Variants in KCNJ3 observed in about 807,000 individuals in gnomAD.
KCNJ3 encodes G protein-activated inward rectifier potassium channel 1.
KCNJ3 carries 4 observed loss-of-function variants against 39.2 expected under a neutral mutation model. The observed-to-expected ratio is 0.10, with a 90% CI of 0.05 to 0.23. The LOEUF is 0.23. KCNJ3 is among the 10% of genes least tolerant of loss of function. The pLI is 1.00. For synonymous variants in KCNJ3, 230 were observed against 237.4 expected (o/e 0.97, Z 0.29); for missense variants, 276 against 634.9 (o/e 0.43, Z 6.08).
At chr2:154,718,071 A>G (rs574196956) in intron 2 of KCNJ3, among the ~76,000 whole-genome samples, 1 of 152,216 alleles carries the variant, frequency 6.6e-6, no homozygotes, top group East Asian at 1.9e-4. Flanking sequence ...CTTTTAAATT[A>G]ATTGTTGGTG....
At position 154,832,141 on chromosome 2, in the gene KCNJ3, C is replaced by A. The variant is rs527969835; in HGVS notation, c.920-22586C>A. Among the ~76,000 whole-genome samples, 9 of 152,164 alleles carry A rather than the reference C, an allele frequency of 5.9e-5. No homozygotes were observed. The South Asian group carries it at 1.9e-3, about 32-fold the overall frequency. ...CACCAAGACATTCATGAGCGATCTG[C>A]CCCCATGCATCTAGACACCTCCCAC... On this transcript the variant is annotated intron_variant, in intron 2 of 2. Coordinates refer to ENST00000295101, the MANE Select transcript of KCNJ3 (RefSeq NM_002239.4).
intron 2 of KCNJ3, among the ~76,000 whole-genome samples, chr2:154,735,165 C>T (rs1160079742): frequency 2.0e-5 from 3 of 151,932 alleles, no homozygotes; most frequent in Non-Finnish European, 4.4e-5. Context: ...CGGCTCACTG[C>T]AAGCTCCGCC....
intron 2 of KCNJ3, among the ~76,000 whole-genome samples, chr2:154,825,541 ATTATTTATTTATTTATTTAT>A (rs141631387): frequency 1.5e-4 from 22 of 144,190 alleles, no homozygotes; most frequent in East Asian, 6.2e-4. Flanking sequence ...AACTCATGAA[ATTATTTATTTATTTATTTAT>A]TTATTTATTT....
chr2:154,708,928 A>G (rs1448105784), intron 1 of KCNJ3, among the ~76,000 whole-genome samples: 1 of 152,236 alleles, frequency 6.6e-6, no homozygotes, highest in African/African-American at 2.4e-5. Flanking sequence ...TTTAAAACTC[A>G]TGAAATGACA....
At chr2:154,838,530 G>A (rs1458418492) in intron 2 of KCNJ3, among the ~76,000 whole-genome samples, 1 of 152,170 alleles carries the variant, frequency 6.6e-6, no homozygotes, top group Non-Finnish European at 1.5e-5. Flanking sequence ...GAAACACTTA[G>A]GATCCAGCAC....
chr2:154,837,350 T>C (rs1687487322), intron 2 of KCNJ3, among the ~76,000 whole-genome samples: 1 of 151,968 alleles, frequency 6.6e-6, no homozygotes, highest in Admixed American at 6.6e-5. Flanking sequence ...AGAAGCTCTT[T>C]GTATGGATGT....
intron 2 of KCNJ3, among the ~76,000 whole-genome samples, chr2:154,813,945 T>C (rs997973499): frequency 6.6e-6 from 1 of 152,298 alleles, no homozygotes; most frequent in Non-Finnish European, 1.5e-5. Flanking sequence ...CCCAGATAAA[T>C]AGTCACAAGT....
chr2:154,710,014 T>G (rs1439115089), intron 2 of KCNJ3, among the ~76,000 whole-genome samples, 195 bp downstream of exon 2: 1 of 152,152 alleles, frequency 6.6e-6, no homozygotes, highest in African/African-American at 2.4e-5. Flanking sequence ...GATGGTTACA[T>G]AGATAATATT....
chr2:154,729,804 A>C (rs568738901), intron 2 of KCNJ3, among the ~76,000 whole-genome samples: 1 of 152,302 alleles, frequency 6.6e-6, no homozygotes, highest in African/African-American at 2.4e-5. Flanking sequence ...GTAATGAAAT[A>C]ATTTTAAATC....
At chr2:154,733,782 T>G (rs1685481280) in intron 2 of KCNJ3, among the ~76,000 whole-genome samples, 1 of 152,306 alleles carries the variant, frequency 6.6e-6, no homozygotes, top group Admixed American at 6.5e-5. Flanking sequence ...GAATTATTAA[T>G]GTAGAATGTG....
chr2:154,737,040 A>T (rs897913894), intron 2 of KCNJ3, among the ~76,000 whole-genome samples: 3 of 152,160 alleles, frequency 2.0e-5, no homozygotes, highest in Admixed American at 1.3e-4. Flanking sequence ...ATCTACAAAG[A>T]TCTATAGTCT....
intron 2 of KCNJ3, among the ~76,000 whole-genome samples, chr2:154,835,444 AAT>A (rs1687440664): frequency 2.0e-5 from 1 of 49,970 alleles, no homozygotes; most frequent in African/African-American, 4.8e-5. Flanking sequence ...AATATTCATG[AAT>A]ATGAATATAT....
intron 2 of KCNJ3, among the ~76,000 whole-genome samples, chr2:154,796,895 C>T (rs762964140): frequency 9.9e-5 from 15 of 152,112 alleles, no homozygotes; most frequent in Admixed American, 6.6e-5. Context: ...GCATCAAAAT[C>T]AGTGGCTATA....
At chr2:154,718,996 T>C (rs1685224046) in intron 2 of KCNJ3, among the ~76,000 whole-genome samples, 1 of 152,164 alleles carries the variant, frequency 6.6e-6, no homozygotes, top group Non-Finnish European at 1.5e-5. Flanking sequence ...TTAAGATGCG[T>C]CATAGTGCAG....
chr2:154,817,649 T>C (rs1687106033), intron 2 of KCNJ3, among the ~76,000 whole-genome samples: 1 of 152,138 alleles, frequency 6.6e-6, no homozygotes, highest in East Asian at 1.9e-4. Flanking sequence ...TTAATGCCAT[T>C]TTTGATTATT....
At chr2:154,779,431 CAT>C (rs1007008514) in intron 2 of KCNJ3, among the ~76,000 whole-genome samples, 100 of 144,274 alleles carry the variant, frequency 6.9e-4, no homozygotes, top group Middle Eastern at 3.7e-3. Flanking sequence ...ACTTGATATA[CAT>C]ATATATATGT....
chr2:154,801,335 C>A (rs1686813497), intron 2 of KCNJ3, among the ~76,000 whole-genome samples: 1 of 152,048 alleles, frequency 6.6e-6, no homozygotes, highest in Non-Finnish European at 1.5e-5. Flanking sequence ...ATTTATAAAT[C>A]CCATAGTTTT....
intron 2 of KCNJ3, among the ~76,000 whole-genome samples, chr2:154,812,897 G>T (rs954685222): frequency 6.6e-6 from 1 of 152,016 alleles, no homozygotes; most frequent in South Asian, 2.1e-4. Flanking sequence ...TAAAATAATC[G>T]TAAGTAAGAT....
chr2:154,779,997 A>G (rs1686406626), intron 2 of KCNJ3, among the ~76,000 whole-genome samples: 1 of 152,230 alleles, frequency 6.6e-6, no homozygotes, highest in African/African-American at 2.4e-5. Context: ...GAGAGAAGCA[A>G]GGACATACAT....
Sources: gnomAD v4.1 joint callset for allele counts (sites outside exome capture counted in the v4.1 genomes callset) on GRCh38, gnomAD v4.1.1 for gene constraint, MANE v1.5 for transcripts, NCBI Gene and HGNC (gene_info 2026-07-23, HGNC 2026-07-21) for gene names.